Variants in GRID2 observed in about 807,000 individuals in gnomAD.
GRID2 encodes the protein glutamate ionotropic receptor delta type subunit 2, also known as glutamate receptor ionotropic, delta-2.
A neutral mutation model predicts 114.8 loss-of-function variants in GRID2; 33 were observed. The ratio of observed to expected loss-of-function variants is 0.29; its 90% confidence interval spans 0.22 to 0.38. GRID2 has a LOEUF of 0.38. Among genes scored for constraint, GRID2 ranks in the 10% least tolerant of loss-of-function variants. The probability of loss-of-function intolerance (pLI) is 1.00; values close to 1 mark genes in which losing one functional copy is unlikely to be tolerated. For synonymous variants in GRID2, 505 were observed against 449.9 expected, an observed-to-expected ratio of 1.12 and a Z score of -1.55; for missense variants, 1,184 against 1,257.7, an observed-to-expected ratio of 0.94 and a Z score of 0.89.
chr4:93,388,891 A>C (rs542063622), intron 8 of GRID2, among the ~76,000 whole-genome samples: 18 of 152,174 alleles, frequency 1.2e-4, no homozygotes, highest in Non-Finnish European at 2.4e-4. Flanking sequence ...CTGAGCTGAT[A>C]GTAGGGATAG....
At chr4:92,378,568 T>C (rs1729464180) in intron 1 of GRID2, among the ~76,000 whole-genome samples, 1 of 152,120 alleles carries the variant, frequency 6.6e-6, no homozygotes, top group Non-Finnish European at 1.5e-5. Context: ...AATATACTAG[T>C]TGAAATTTGG....
chr4:93,362,623 G>A (rs1311079304), intron 8 of GRID2, among the ~76,000 whole-genome samples: 1 of 151,980 alleles, frequency 6.6e-6, no homozygotes, highest in African/African-American at 2.4e-5. Context: ...AAGCTATGTA[G>A]GGAAGAAAAA....
intron 1 of GRID2, among the ~76,000 whole-genome samples, chr4:92,438,752 T>A (rs1296141820): frequency 1.3e-5 from 2 of 152,188 alleles, no homozygotes; most frequent in Admixed American, 1.3e-4. Flanking sequence ...TATTTTTGAA[T>A]TCTCTTCTTT....
At chr4:93,554,829 T>C (rs1408326754) in intron 13 of GRID2, among the ~76,000 whole-genome samples, 2 of 152,230 alleles carry the variant, frequency 1.3e-5, no homozygotes, top group East Asian at 3.9e-4. Flanking sequence ...GATGGCTGAA[T>C]AGGAACAGCT....
At position 92,609,659 on chromosome 4, in the gene GRID2, TTTTC is replaced by T. The variant is rs1234069928; in HGVS notation, c.244+19380_244+19383del. On this transcript the variant is annotated intron_variant, in intron 2 of 15. Coordinates refer to ENST00000282020, the MANE Select transcript of GRID2 (RefSeq NM_001510.4). ...TATAATAATAGTAGATCACTATAAT[TTTTC>T]TTTCTTCTCGTGACCACATTAGTAC... Among the ~76,000 whole-genome samples, 8 of 150,826 alleles carry T rather than the reference TTTTC, an allele frequency of 5.3e-5. No homozygotes were observed. The Admixed American group carries it at 5.3e-4, about 10-fold the overall frequency.
intron 1 of GRID2, among the ~76,000 whole-genome samples, chr4:92,568,183 G>A (rs1398656017): frequency 6.6e-6 from 1 of 151,936 alleles, no homozygotes; most frequent in Non-Finnish European, 1.5e-5. Context: ...TGCTGAGATG[G>A]GAATATACTT....
chr4:92,641,429 C>G (rs906816402), intron 2 of GRID2, among the ~76,000 whole-genome samples: 1 of 147,252 alleles, frequency 6.8e-6, no homozygotes, highest in Non-Finnish European at 1.5e-5. Flanking sequence ...TACATGCCAC[C>G]GAGCCTGGCC....
chr4:93,004,856 G>A (rs918974687), intron 2 of GRID2, among the ~76,000 whole-genome samples: 1 of 152,062 alleles, frequency 6.6e-6, no homozygotes, highest in South Asian at 2.1e-4. Context: ...TTTGGCCCAA[G>A]CAATTCATTA....
chr4:93,493,532 C>G (rs1372779486), intron 12 of GRID2, among the ~76,000 whole-genome samples: 2 of 143,342 alleles, frequency 1.4e-5, no homozygotes, highest in Admixed American at 1.4e-4. Context: ...CCTTACCTGT[C>G]AAATTCTTTT....
At chr4:93,402,511 A>G (rs1363459750) in intron 9 of GRID2, among the ~76,000 whole-genome samples, 2 of 152,128 alleles carry the variant, frequency 1.3e-5, no homozygotes, top group African/African-American at 4.8e-5. Context: ...CTAATTATTC[A>G]TTGTCATCAA....
At chr4:93,662,270 C>T (rs893680322) in intron 14 of GRID2, among the ~76,000 whole-genome samples, 1 of 152,150 alleles carries the variant, frequency 6.6e-6, no homozygotes, top group African/African-American at 2.4e-5. Flanking sequence ...CTCTGGTTCT[C>T]TTCATCCCTC....
intron 2 of GRID2, among the ~76,000 whole-genome samples, chr4:93,067,143 A>G (rs1391520802): frequency 6.6e-6 from 1 of 152,030 alleles, no homozygotes; most frequent in Non-Finnish European, 1.5e-5. Context: ...CTGAATTATG[A>G]CAAGCCTTTC....
chr4:92,783,687 A>G (rs1280833778), intron 2 of GRID2, among the ~76,000 whole-genome samples: 2 of 152,052 alleles, frequency 1.3e-5, no homozygotes, highest in Admixed American at 6.6e-5. Context: ...GTTCAGGACC[A>G]GCCTAGGCAA....
chr4:92,455,994 T>C (rs1280556489), intron 1 of GRID2, among the ~76,000 whole-genome samples: 1 of 152,332 alleles, frequency 6.6e-6, no homozygotes, highest in East Asian at 1.9e-4. Context: ...ATTTCATATA[T>C]TTGGAAACGG....
chr4:93,704,165 C>G (rs573098155), intron 14 of GRID2, among the ~76,000 whole-genome samples: 147 of 152,218 alleles, frequency 9.7e-4, no homozygotes, highest in African/African-American at 3.3e-3. Context: ...CTGTTGTTTC[C>G]TGACTTTTTA....
At chr4:92,859,415 A>G (rs762789726) in intron 2 of GRID2, among the ~76,000 whole-genome samples, 3 of 152,188 alleles carry the variant, frequency 2.0e-5, no homozygotes, top group Non-Finnish European at 1.5e-5. Flanking sequence ...CTTTATTGTA[A>G]TATTTGCTTT....
rs779369994 is a variant in GRID2 at position 93,094,969 on chromosome 4, T to G, written c.529+9690T>G. 1.9e-4 allele frequency among the ~76,000 whole-genome samples: 29 copies of G among 151,918 alleles called. 1 individual carries two copies. The highest frequency in any genetic ancestry group is 7.2e-5 in the African/African-American group (3 of 41,452). On this transcript the variant is annotated intron_variant, in intron 3 of 15. Transcript: ENST00000282020. ...AATAGCAAGAAATTAAACTTCTACC[T>G]TTAGAATATAACAAAATAAGACTAT...
intron 2 of GRID2, among the ~76,000 whole-genome samples, chr4:92,665,576 C>T (rs1400067035): frequency 6.6e-6 from 1 of 151,038 alleles, no homozygotes; most frequent in South Asian, 2.1e-4. Context: ...TTTTAAACTG[C>T]AAGAGTGTTT....
intron 2 of GRID2, among the ~76,000 whole-genome samples, chr4:92,967,204 G>C (rs1244654153): frequency 6.6e-6 from 1 of 151,900 alleles, no homozygotes; most frequent in Non-Finnish European, 1.5e-5. Flanking sequence ...CTTGTGAATT[G>C]TAGTGGATTC....
Sources: allele counts gnomAD v4.1 joint callset (sites outside exome capture counted in the v4.1 genomes callset), GRCh38; gene constraint gnomAD v4.1.1; transcripts MANE v1.5; gene names NCBI Gene and HGNC (gene_info 2026-07-23, HGNC 2026-07-21).